Variants in STK24 observed in about 807,000 individuals in gnomAD.
The protein encoded by STK24 is serine/threonine-protein kinase 24.
A neutral mutation model predicts 55.6 loss-of-function variants in STK24; 21 were observed. The observed-to-expected ratio is 0.38, with a 90% confidence interval of 0.27 to 0.54. The LOEUF (loss-of-function observed/expected upper bound fraction) is 0.54, where lower values mean the gene tolerates loss of function less well. Ranked by LOEUF, STK24 falls within the 20% of genes least tolerant of loss-of-function variation. The pLI, the probability that STK24 is intolerant of heterozygous loss-of-function variation, is 0.79. For synonymous variants in STK24, 200 were observed against 215.2 expected, an observed-to-expected ratio of 0.93 and a Z score of 0.62; for missense variants, 383 against 538.4, an observed-to-expected ratio of 0.71 and a Z score of 2.86.
At chr13:98,548,499 CA>C (rs1897082509) in intron 1 of STK24, among the ~76,000 whole-genome samples, 1 of 152,190 alleles carries the variant, frequency 6.6e-6, no homozygotes. Flanking sequence ...GGTTTACCCT[CA>C]AATCACACAG....
rs755151631 is a variant in STK24, at chr13:98,446,053, G to A, written c.*7120C>T. 2.2e-6 allele frequency: 3 copies of A among 1,337,574 alleles called. No homozygotes were observed. Among genetic ancestry groups the A allele is most frequent in the Non-Finnish European group, 3.2e-6 (3 of 930,548 alleles). The allele number at this position is 1,337,574 out of a possible 1,614,324, so 82.9% of individuals were successfully genotyped here. A position where few individuals can be genotyped will look rare whatever the true frequency, so the allele number is the denominator to read the frequency against. Reference sequence around the variant, plus strand: ...GAGAGCTGCTCTCTGTGCCCTCCTGGGGCAGGTGCCCGCTGTGCTTCTCAC... The same window carrying A: ...GAGAGCTGCTCTCTGTGCCCTCCTGAGGCAGGTGCCCGCTGTGCTTCTCAC... On this transcript the variant is annotated 3_prime_UTR_variant, in exon 11 of 11. Coordinates refer to ENST00000539966, the MANE Select transcript of STK24 (RefSeq NM_001032296.4).
At chr13:98,537,666 GAAGC>G (rs1003683012) in intron 1 of STK24, among the ~76,000 whole-genome samples, 5 of 152,302 alleles carry the variant, frequency 3.3e-5, no homozygotes, top group Non-Finnish European at 5.9e-5. Context: ...ATGTGAGACA[GAAGC>G]AAGAGGAGGT....
At chr13:98,473,133 G>T (rs550067117) in intron 5 of STK24, among the ~76,000 whole-genome samples, 4 of 150,422 alleles carry the variant, frequency 2.7e-5, no homozygotes, top group African/African-American at 9.8e-5. Context: ...CAGGAGAAGA[G>T]ACTTTTGTTC....
At chr13:98,555,961 C>T (rs577536669) in intron 1 of STK24, among the ~76,000 whole-genome samples, 1 of 150,960 alleles carries the variant, frequency 6.6e-6, no homozygotes, top group East Asian at 2.0e-4. Context: ...GGATTACAGG[C>T]GTGAGCCACC....
At chr13:98,502,349 C>T (rs1486005344) in intron 2 of STK24, among the ~76,000 whole-genome samples, 1 of 152,160 alleles carries the variant, frequency 6.6e-6, no homozygotes, top group African/African-American at 2.4e-5. Flanking sequence ...AGACTGACAC[C>T]TTACTCTAGG....
chr13:98,489,243 T>G (rs1180373175), intron 2 of STK24, among the ~76,000 whole-genome samples: 1 of 152,196 alleles, frequency 6.6e-6, no homozygotes, highest in African/African-American at 2.4e-5. Context: ...CTCATCAACT[T>G]GAACCACTAT....
chr13:98,542,719 G>C, intron 1 of STK24: 1 of 511,642 alleles, frequency 2.0e-6, no homozygotes, highest in Non-Finnish European at 2.5e-6. Flanking sequence ...CTTGTTCCTG[G>C]AGTGAAAGTG....
At chr13:98,504,298 C>T (rs1376809353) in intron 2 of STK24, among the ~76,000 whole-genome samples, 5 of 152,202 alleles carry the variant, frequency 3.3e-5, no homozygotes, top group Non-Finnish European at 5.9e-5. Context: ...GAAAGTAGAG[C>T]TTCTGTCAAC....
intron 6 of STK24, among the ~76,000 whole-genome samples, chr13:98,465,848 A>G (rs1435753509): frequency 6.6e-6 from 1 of 152,262 alleles, no homozygotes; most frequent in Non-Finnish European, 1.5e-5. Context: ...AAAGCCACAC[A>G]GTCGTTACTG....
At chr13:98,489,893 TGAGGAGAAAAGGAAAGTAAGAGC>T (rs1217206400) in intron 2 of STK24, among the ~76,000 whole-genome samples, 1 of 151,478 alleles carries the variant, frequency 6.6e-6, no homozygotes, top group East Asian at 1.9e-4. Flanking sequence ...AACAAATACA[TGAGGAGAAAAGGAAAGTAAGAGC>T]GAGGAGAAAA....
intron 1 of STK24, among the ~76,000 whole-genome samples, chr13:98,536,276 G>T (rs2139411343): frequency 6.6e-6 from 1 of 152,168 alleles, no homozygotes; most frequent in African/African-American, 2.4e-5. Context: ...CAAGCTCCAG[G>T]CCAACACACT....
chr13:98,463,620 A>G (rs565327593), intron 7 of STK24, 71 bp downstream of exon 7: 1 of 1,499,136 alleles, frequency 6.7e-7, no homozygotes, highest in African/African-American at 1.4e-5. Flanking sequence ...AACGAAACCC[A>G]CACCAAACAG....
At chr13:98,471,669 A>G (rs761340601) in intron 5 of STK24, among the ~76,000 whole-genome samples, 6 of 152,208 alleles carry the variant, frequency 3.9e-5, no homozygotes, top group Non-Finnish European at 8.8e-5. Flanking sequence ...CCCAGACAAG[A>G]TAAGGGGGCA....
chr13:98,466,317 T>C (rs1893924949), intron 6 of STK24, 59 bp downstream of exon 6: 1 of 1,548,050 alleles, frequency 6.5e-7, no homozygotes. Context: ...CAACAGGATG[T>C]ATCTCAACCA....
rs1198096147 is a variant in STK24, at chr13:98,449,212, T to C, written c.*3961A>G. 6.6e-6 allele frequency: 1 copy of C among 152,262 alleles called. No individual in the cohort carries two copies. The highest frequency in any genetic ancestry group is 1.9e-4 in the East Asian group (1 of 5,208). 9.4% of individuals were successfully genotyped at this position (152,262 alleles called of 1,614,324 possible). ...TGAGCCTGCTGGCTGCAGAGCACTA[T>C]GAAATCATGGTACGTAGTCCCCGGC... is the stretch of plus-strand genomic sequence containing the variant. On this transcript the variant is annotated 3_prime_UTR_variant, in exon 11 of 11. Transcript: ENST00000539966.
intron 2 of STK24, among the ~76,000 whole-genome samples, chr13:98,501,653 A>G (rs1351850947): frequency 6.6e-6 from 1 of 152,230 alleles, no homozygotes; most frequent in African/African-American, 2.4e-5. Flanking sequence ...CCTACTGTGT[A>G]CCCACAAAAA....
At chr13:98,536,247 A>G (rs1896732548) in intron 1 of STK24, among the ~76,000 whole-genome samples, 1 of 152,208 alleles carries the variant, frequency 6.6e-6, no homozygotes, top group Non-Finnish European at 1.5e-5. Context: ...GCCAAATCCT[A>G]CATCTCACAG....
At chr13:98,501,596 T>C (rs557757824) in intron 2 of STK24, among the ~76,000 whole-genome samples, 41 of 152,340 alleles carry the variant, frequency 2.7e-4, no homozygotes, top group Non-Finnish European at 5.1e-4. Flanking sequence ...CAATTCAAGA[T>C]AGGTTATCTG....
chr13:98,552,585 C>T (rs1418032764), intron 1 of STK24, among the ~76,000 whole-genome samples: 1 of 152,014 alleles, frequency 6.6e-6, no homozygotes, highest in African/African-American at 2.4e-5. Context: ...AGCAGAGCAC[C>T]AAAAAGAGCT....
Sources: gnomAD v4.1 joint callset for allele counts (sites outside exome capture counted in the v4.1 genomes callset) on GRCh38, gnomAD v4.1.1 for gene constraint, MANE v1.5 for transcripts, NCBI Gene and HGNC (gene_info 2026-07-23, HGNC 2026-07-21) for gene names.